Variants in JPH4 observed in about 807,000 individuals in gnomAD.
The protein encoded by JPH4 is junctophilin-4.
JPH4 carries 18 observed loss-of-function variants against 57.6 expected under a neutral mutation model. The ratio of observed to expected loss-of-function variants is 0.31; its 90% confidence interval spans 0.22 to 0.46. JPH4 has a LOEUF of 0.46. Among genes scored for constraint, JPH4 ranks in the 20% least tolerant of loss-of-function variants. The probability of loss-of-function intolerance (pLI) is 1.00; values close to 1 mark genes in which losing one functional copy is unlikely to be tolerated. For synonymous variants in JPH4, 425 were observed against 406.6 expected (o/e 1.05, Z -0.54); for missense variants, 727 against 911.1 (o/e 0.80, Z 2.60).
rs753895912 is a variant in JPH4, at chr14:23,571,011, C to A, written c.1720G>T (p.Gly574Cys). The A allele has an allele frequency of 1.3e-6, 2 of 1,567,264 alleles. No individual in the cohort carries two copies. The highest frequency in any genetic ancestry group is 3.7e-5 in the Admixed American group (2 of 54,050). Residue 574 changes from glycine (G) to cysteine (C), a missense_variant, in exon 5 of 6, where the codon GGC becomes TGC. By Grantham distance (159) the Gly-to-Cys change is radical. Coordinates refer to ENST00000356300, the MANE Select transcript of JPH4 (RefSeq NM_001146028.2). This position sits in a 1 kb window ranked among gnomAD's most constrained non-coding sequence, Gnocchi z 4.6. ...GCATCAGGACCCCTCGAGGACGAGC[C>A]CCTCAGGACCAGCATGGCGATGGGC... ...PEPIAMLVLR[G>C]SSSRGPDAGC... is the part of the protein sequence containing the mutation.
Position 23,568,338 on chromosome 14 carries a change from A to AT in JPH4, c.*1295dup. On this transcript the variant is annotated 3_prime_UTR_variant, in exon 6 of 6. Coordinates refer to ENST00000356300, the MANE Select transcript of JPH4 (RefSeq NM_001146028.2). ...GCCTCATGCAGGGGAGGGAGGAAAG[A>AT]TCCCCTGGGGACCCTGCAGTCCCCT... 1 of 985,794 alleles carries AT rather than the reference A, an allele frequency of 1.0e-6. No homozygotes were observed. Among genetic ancestry groups the AT allele is most frequent in the Non-Finnish European group, 1.2e-6 (1 of 829,928 alleles). 61.1% of individuals were successfully genotyped at this position (985,794 alleles called of 1,614,324 possible).
In JPH4 at chr14:23,575,553, G is replaced by A. The variant is rs1222405255; in HGVS notation, c.1151+132C>T. On this transcript the variant is annotated intron_variant, in intron 3 of 5. Coordinates refer to ENST00000356300, the MANE Select transcript of JPH4 (RefSeq NM_001146028.2). The surrounding 1 kb of genome is among the most constrained non-coding windows in gnomAD (Gnocchi z 6.9). ...ACCAAGAATGCCCAGGGGTCCAACT[G>A]CCTGGCCTTAGGCTTGCAATAGCAG... is the stretch of plus-strand genomic sequence containing the variant. The A allele has an allele frequency of 1.7e-6, 2 of 1,200,896 alleles. No individual in the cohort carries two copies. The highest frequency in any genetic ancestry group is 2.3e-6 in the Non-Finnish European group (2 of 864,104). 74.4% of individuals were successfully genotyped at this position (1,200,896 alleles called of 1,614,324 possible). A position where few individuals can be genotyped will look rare whatever the true frequency, so the allele number is the denominator to read the frequency against.
rs1406845382 is a variant in JPH4 at position 23,569,922 on chromosome 14, G to A, written c.1804-205C>T. Among the ~76,000 whole-genome samples the A allele has an allele frequency of 1.3e-5, 2 of 152,132 alleles. No homozygotes were observed. The highest frequency in any genetic ancestry group is 3.9e-4 in the East Asian group (2 of 5,192). On this transcript the variant is annotated intron_variant, in intron 5 of 5. Coordinates refer to ENST00000356300, the MANE Select transcript of JPH4 (RefSeq NM_001146028.2). This position sits in a 1 kb window ranked among gnomAD's most constrained non-coding sequence, Gnocchi z 4.8. ...TTTCCTCTGACACCTTCAATGCAGG[G>A]ACAGCCCTTCCACCTCCTCCCTCTA... is the stretch of plus-strand genomic sequence containing the variant.
chr14:23,573,063 T>A, intron 3 of JPH4: 1 of 660,338 alleles, frequency 1.5e-6, no homozygotes, highest in South Asian at 1.7e-5. Flanking sequence ...GGGCTTGAAT[T>A]GATCACACCC....
intron 3 of JPH4, chr14:23,572,976 C>A: frequency 1.4e-6 from 1 of 702,328 alleles, no homozygotes; most frequent in South Asian, 1.5e-5. Flanking sequence ...GATGCCTTGT[C>A]ATCCTTAAAT....
At position 23,577,500 on chromosome 14, in the gene JPH4, T is replaced by C. The variant is rs1252187809; in HGVS notation, c.-47A>G. 7.3e-7 allele frequency: 1 copy of C among 1,377,608 alleles called. No homozygotes were observed. The allele number at this position is 1,377,608 out of a possible 1,614,324, so 85.3% of individuals were successfully genotyped here. A position where few individuals can be genotyped will look rare whatever the true frequency, so the allele number is the denominator to read the frequency against. On this transcript the variant is annotated 5_prime_UTR_variant, in exon 2 of 6. Transcript: ENST00000356300. This position sits in a 1 kb window ranked among gnomAD's most constrained non-coding sequence, Gnocchi z 8.4. ...AGCCCCCCGGCGGCTCAGCGCATCC[T>C]GGGACTGGAGAGCCTGCTGGGGGCC... is the stretch of plus-strand genomic sequence containing the variant.
chr14:23,573,159 A>C (rs1245798621), intron 3 of JPH4, among the ~76,000 whole-genome samples: 1 of 152,106 alleles, frequency 6.6e-6, no homozygotes, highest in East Asian at 1.9e-4. Flanking sequence ...GGTGATATCT[A>C]CTGTGCATAT....
Position 23,571,100 on chromosome 14 carries a change from T to A in JPH4, c.1631A>T (p.Glu544Val), listed in dbSNP as rs754912059. The A allele has an allele frequency of 2.5e-5, 41 of 1,613,806 alleles. No individual in the cohort carries two copies. Among genetic ancestry groups the A allele is most frequent in the Non-Finnish European group, 3.4e-5 (40 of 1,179,922 alleles). Residue 544 changes from glutamate (E) to valine (V), a missense_variant, in exon 5 of 6, where the codon GAG becomes GTG. By Grantham distance (121) the Glu-to-Val change is moderately radical (BLOSUM62 -2). This residue lies in a region of JPH4 where 293 missense variants were observed against 279.8 expected (regional missense o/e 1.05). Transcript: ENST00000356300. The surrounding 1 kb of genome is among the most constrained non-coding windows in gnomAD (Gnocchi z 4.6). ...GGGCTCTTCATCCTCCCCCTCCTCC[T>A]CTCGAAGACTTCCTGAACTGTCGCT... ...GCSDSSGSLR[E>V]EEGEDEEPLP...
In JPH4 at chr14:23,568,164, A is replaced by G; in HGVS notation, c.*1470T>C. 1 of 985,870 alleles carries G rather than the reference A, an allele frequency of 1.0e-6. No homozygotes were observed. Among genetic ancestry groups the G allele is most frequent in the East Asian group, 1.1e-4 (1 of 8,816 alleles). 61.1% of individuals were successfully genotyped at this position (985,870 alleles called of 1,614,324 possible). On this transcript the variant is annotated 3_prime_UTR_variant, in exon 6 of 6. Coordinates refer to ENST00000356300, the MANE Select transcript of JPH4 (RefSeq NM_001146028.2). The stretch of plus-strand genomic sequence containing the variant: ...TCCCAAATTCCATGAAATAGAAATC[A>G]GAAGTAAAGGTTGAGAGGGGAGGAA...
chr14:23,568,899 C>T lies in JPH4; in HGVS notation c.*735G>A. The T allele has an allele frequency of 1.3e-6, 1 of 765,310 alleles. No individual in the cohort carries two copies. Among genetic ancestry groups the T allele is most frequent in the African/African-American group, 1.9e-5 (1 of 52,910 alleles). The allele number at this position is 765,310 out of a possible 1,614,324, so 47.4% of individuals were successfully genotyped here. On this transcript the variant is annotated 3_prime_UTR_variant, in exon 6 of 6. Coordinates refer to ENST00000356300, the MANE Select transcript of JPH4 (RefSeq NM_001146028.2). ...ATATTCTCTGTTCCTTTACACGTTG[C>T]TCTTGGCATGGCATGCCACCAGAGG... is the stretch of plus-strand genomic sequence containing the variant.
In JPH4 at chr14:23,571,545, C is replaced by T; in HGVS notation, c.1271-85G>A. On this transcript the variant is annotated intron_variant, in intron 4 of 5. Transcript: ENST00000356300. This position sits in a 1 kb window ranked among gnomAD's most constrained non-coding sequence, Gnocchi z 4.6. ...AGCTTTATTCCTGACTGGGCACTTC[C>T]CAGGACTTTGGAATTCCCAGGCTCA... The T allele has an allele frequency of 1.3e-6, 2 of 1,489,554 alleles. No homozygotes were observed. The highest frequency in any genetic ancestry group is 1.8e-6 in the Non-Finnish European group (2 of 1,109,312). 92.3% of individuals were successfully genotyped at this position (1,489,554 alleles called of 1,614,324 possible). A position where few individuals can be genotyped will look rare whatever the true frequency, so the allele number is the denominator to read the frequency against.
chr14:23,571,202 G>A lies in JPH4; in HGVS notation c.1529C>T (p.Ala510Val). Residue 510 changes from alanine to valine, a missense_variant, in exon 5 of 6, where the codon GCT (alanine) becomes GTT (valine). By Grantham distance (64) the Ala-to-Val change is moderately conservative. Coordinates refer to ENST00000356300, the MANE Select transcript of JPH4 (RefSeq NM_001146028.2). The surrounding 1 kb of genome is among the most constrained non-coding windows in gnomAD (Gnocchi z 4.6). ...AGCCTCATCCTCAGCCTCATAGCCA[G>A]CTAGTTCCTCTGCCTGTGCGCCTGC... ...GGAGAQAEELAGYEAEDEAGM... is the reference protein window; with the variant it reads ...GGAGAQAEELVGYEAEDEAGM... 3 of 1,613,934 alleles carry A rather than the reference G, an allele frequency of 1.9e-6. No homozygotes were observed. The highest frequency in any genetic ancestry group is 2.5e-6 in the Non-Finnish European group (3 of 1,179,942).
chr14:23,572,849 G>T (rs1374355932), intron 3 of JPH4: 1 of 702,414 alleles, frequency 1.4e-6, no homozygotes, highest in Admixed American at 2.0e-5. Context: ...TGCTCCTTAG[G>T]TGCAGGCAGC....
Position 23,577,483 on chromosome 14 carries a change from G to C in JPH4, c.-30C>G, listed in dbSNP as rs946271770. On this transcript the variant is annotated 5_prime_UTR_variant, in exon 2 of 6. Coordinates refer to ENST00000356300, the MANE Select transcript of JPH4 (RefSeq NM_001146028.2). This position sits in a 1 kb window ranked among gnomAD's most constrained non-coding sequence, Gnocchi z 8.4. ...GTAGTTGGCGCGGCCTCAGCCCCCC[G>C]GCGGCTCAGCGCATCCTGGGACTGG... 1.7e-5 allele frequency: 23 copies of C among 1,392,366 alleles called. No homozygotes were observed. The Admixed American group carries it at 3.1e-4, about 19-fold the overall frequency. The allele number at this position is 1,392,366 out of a possible 1,614,324, so 86.3% of individuals were successfully genotyped here.
In JPH4 at chr14:23,576,158, G is replaced by A; in HGVS notation, c.678C>T (p.Ser226=). Residue 226 remains serine, a synonymous_variant, in exon 3 of 6, where the codon AGC becomes AGT. Transcript: ENST00000356300. The surrounding 1 kb of genome is among the most constrained non-coding windows in gnomAD (Gnocchi z 8.0). ...TGCGACGTCCGCCCGCTCGGAGCCC[G>A]CTGAGCAGCAGCGAACGGCGAAAGA... ...GGFFRRSLLL[S]GLRAGGRRSS... is the part of the protein sequence containing the mutation. 6.1e-6 allele frequency: 8 copies of A among 1,307,302 alleles called. No homozygotes were observed. The South Asian group carries it at 6.5e-5, about 11-fold the overall frequency. 81.0% of individuals were successfully genotyped at this position (1,307,302 alleles called of 1,614,324 possible).
In JPH4 at chr14:23,571,843, T is replaced by C. The variant is rs1889156725; in HGVS notation, c.1229A>G (p.Lys410Arg). The part of the protein sequence containing the change: ...EKAVEAARMA[K>R]LIAQDLQPML... ...GGGCTGCAGGTCCTGGGCTATCAGT[T>C]TGGCCATTCGAGCTGCCTCCACGGC... Residue 410 changes from lysine to arginine, a missense_variant, in exon 4 of 6, where the codon AAA becomes AGA. Physicochemically the swap from Lys to Arg is conservative, Grantham distance 26. This residue lies in a region of JPH4 where 293 missense variants were observed against 279.8 expected (regional missense o/e 1.05). Coordinates refer to ENST00000356300, the MANE Select transcript of JPH4 (RefSeq NM_001146028.2). The surrounding 1 kb of genome is among the most constrained non-coding windows in gnomAD (Gnocchi z 4.6). 2 of 1,613,166 alleles carry C rather than the reference T, an allele frequency of 1.2e-6. No individual in the cohort carries two copies. Among genetic ancestry groups the C allele is most frequent in the South Asian group, 1.1e-5 (1 of 91,084 alleles).
chr14:23,576,195 G>T lies in JPH4; in HGVS notation c.641C>A (p.Ala214Glu). The change falls in exon 3 of 6, where the codon GCG becomes GAG. Residue 214 changes from alanine to glutamate, a missense_variant. By Grantham distance (107) the Ala-to-Glu change is moderately radical (BLOSUM62 -1). Around this residue, in one of 7 missense-constraint regions of JPH4, gnomAD observed 131 missense variants for 156.5 expected, o/e 0.84. Coordinates refer to ENST00000356300, the MANE Select transcript of JPH4 (RefSeq NM_001146028.2). This position sits in a 1 kb window ranked among gnomAD's most constrained non-coding sequence, Gnocchi z 8.0. Reference sequence around the variant, plus strand: ...CGAACGGCGAAAGAATCCGCCGGCCGCCGGAGTGCGCTTTCGGGACGACGC... The same window carrying T: ...CGAACGGCGAAAGAATCCGCCGGCCTCCGGAGTGCGCTTTCGGGACGACGC... The part of the protein sequence containing the change: ...DGASSRKRTP[A>E]AGGFFRRSLL... 1 of 1,288,398 alleles carries T rather than the reference G, an allele frequency of 7.8e-7. No individual in the cohort carries two copies. Among genetic ancestry groups the T allele is most frequent in the Non-Finnish European group, 9.8e-7 (1 of 1,018,104 alleles). 79.8% of individuals were successfully genotyped at this position (1,288,398 alleles called of 1,614,324 possible). A position where few individuals can be genotyped will look rare whatever the true frequency, so the allele number is the denominator to read the frequency against.
At chr14:23,573,811 C>T (rs1186847491) in intron 3 of JPH4, among the ~76,000 whole-genome samples, 1 of 152,112 alleles carries the variant, frequency 6.6e-6, no homozygotes, top group Non-Finnish European at 1.5e-5. Flanking sequence ...CTCTGCCTTC[C>T]CCCTTCCCTG....
Position 23,577,105 on chromosome 14 carries a change from C to A in JPH4, c.349G>T (p.Gly117Cys), listed in dbSNP as rs761509807. 1.9e-5 allele frequency: 30 copies of A among 1,566,470 alleles called. No individual in the cohort carries two copies. Among genetic ancestry groups the A allele is most frequent in the Non-Finnish European group, 2.6e-5 (30 of 1,162,866 alleles). Reference protein sequence around the residue: ...AGLWKDGFQDGYGTETYSDGG... With the variant: ...AGLWKDGFQDCYGTETYSDGG... ...TCGGAGTAGGTCTCAGTGCCGTAGC[C>A]GTCCTGGAAACCGTCCTTCCAGAGC... The change falls in exon 2 of 6, where the codon GGC (glycine) becomes TGC (cysteine). Residue 117 changes from glycine (G) to cysteine (C), a missense_variant. Physicochemically the swap from Gly to Cys is radical, Grantham distance 159. This residue lies in a region of JPH4 where 90 missense variants were observed against 88.1 expected (regional missense o/e 1.02). Transcript: ENST00000356300. The surrounding 1 kb of genome is among the most constrained non-coding windows in gnomAD (Gnocchi z 8.4).
Sources: gnomAD v4.1 joint callset for allele counts (sites outside exome capture counted in the v4.1 genomes callset) on GRCh38, gnomAD v4.1.1 for gene constraint, gnomAD v4.1.1 regional missense constraint, Gnocchi (gnomAD v3.1) non-coding constraint, MANE v1.5 for transcripts, NCBI Gene and HGNC (gene_info 2026-07-23, HGNC 2026-07-21) for gene names.